RIMS4: variants seen among roughly 807,000 people sequenced by gnomAD.
The protein encoded by RIMS4 is regulating synaptic membrane exocytosis protein 4.
A neutral mutation model predicts 29.0 loss-of-function variants in RIMS4; 9 were observed. The observed-to-expected ratio is 0.31, with a 90% CI of 0.19 to 0.54. The LOEUF (loss-of-function observed/expected upper bound fraction) is 0.54. RIMS4 is among the 20% of genes least tolerant of loss of function. The pLI is 0.94. For missense variants in RIMS4, 193 were observed against 365.7 expected (o/e 0.53, Z 3.85); for synonymous variants, 130 against 152.9 (o/e 0.85, Z 1.10).
chr20:44,766,020 A>C (rs1480768576), intron 2 of RIMS4, among the ~76,000 whole-genome samples: 10 of 152,208 alleles, frequency 6.6e-5, no homozygotes, highest in Non-Finnish European at 1.5e-4. Flanking sequence ...CATTGAACTC[A>C]GTGTCTAGTG....
intron 1 of RIMS4, among the ~76,000 whole-genome samples, chr20:44,783,028 T>C (rs1361513107): frequency 6.6e-6 from 1 of 152,164 alleles, no homozygotes; most frequent in Non-Finnish European, 1.5e-5. Flanking sequence ...ACTCAGTAAA[T>C]TGCAGCTACT....
chr20:44,755,983 G>C lies in RIMS4; in HGVS notation c.*151C>G. ...GTAGGAGGCAAAGAAGGGGTGAGGA[G>C]GGGCCCAAGGGGGGGCAGGTCTCCC... is the stretch of plus-strand genomic sequence containing the variant. On this transcript the variant is annotated 3_prime_UTR_variant, in exon 6 of 6. Transcript: ENST00000372851. 1 of 647,852 alleles carries C rather than the reference G, an allele frequency of 1.5e-6. No homozygotes were observed. Among genetic ancestry groups the C allele is most frequent in the Admixed American group, 2.6e-5 (1 of 37,842 alleles). 40.1% of individuals were successfully genotyped at this position (647,852 alleles called of 1,614,324 possible).
rs1024795967 is a variant in RIMS4 at position 44,752,014 on chromosome 20, C to T, written c.*4120G>A. On this transcript the variant is annotated 3_prime_UTR_variant, in exon 6 of 6. Transcript: ENST00000372851. ...GACCCAGGCTCCTGCCTTCCCACCA[C>T]CCGTCCAGGAAGCAGTCATAAAGTG... 1.3e-5 allele frequency: 2 copies of T among 152,302 alleles called. No individual in the cohort carries two copies. The highest frequency in any genetic ancestry group is 2.1e-4 in the South Asian group (1 of 4,832). 9.4% of individuals were successfully genotyped at this position (152,302 alleles called of 1,614,324 possible).
At chr20:44,797,031 C>T (rs2066258130) in intron 1 of RIMS4, among the ~76,000 whole-genome samples, 1 of 152,218 alleles carries the variant, frequency 6.6e-6, no homozygotes, top group African/African-American at 2.4e-5. Context: ...GGGCTACCAC[C>T]CATGGCAGGC....
intron 1 of RIMS4, among the ~76,000 whole-genome samples, chr20:44,808,533 G>A (rs1389652275): frequency 6.6e-6 from 1 of 152,194 alleles, no homozygotes; most frequent in Non-Finnish European, 1.5e-5. Context: ...ACCTTGCCTT[G>A]TCCAGAATAA....
At chr20:44,782,195 T>C (rs1336710861) in intron 1 of RIMS4, among the ~76,000 whole-genome samples, 1 of 152,246 alleles carries the variant, frequency 6.6e-6, no homozygotes, top group African/African-American at 2.4e-5. Flanking sequence ...TAAGCTCTTA[T>C]TAGGTTATGC....
At chr20:44,794,281 T>C (rs927117749) in intron 1 of RIMS4, among the ~76,000 whole-genome samples, 2 of 152,154 alleles carry the variant, frequency 1.3e-5, no homozygotes, top group African/African-American at 4.8e-5. Context: ...TCTCGCTTTC[T>C]TCCCCAGCAA....
At chr20:44,779,807 C>A (rs537164352) in intron 1 of RIMS4, among the ~76,000 whole-genome samples, 1 of 151,988 alleles carries the variant, frequency 6.6e-6, no homozygotes, top group Admixed American at 6.6e-5. Flanking sequence ...ATTTGAAATG[C>A]CTTTTAGGTG....
intron 1 of RIMS4, among the ~76,000 whole-genome samples, chr20:44,801,975 C>T (rs145824672): frequency 3.9e-5 from 6 of 152,210 alleles, no homozygotes; most frequent in African/African-American, 1.2e-4. Flanking sequence ...CAGTACCATC[C>T]GAATCTGCAT....
chr20:44,770,765 T>C (rs1427628221), intron 2 of RIMS4, among the ~76,000 whole-genome samples: 7 of 152,288 alleles, frequency 4.6e-5, no homozygotes, highest in African/African-American at 1.4e-4. Flanking sequence ...AGCAGTAGTA[T>C]ACATTTTTCA....
At chr20:44,764,968 TA>T (rs770770508) in intron 2 of RIMS4, among the ~76,000 whole-genome samples, 15 of 152,326 alleles carry the variant, frequency 9.8e-5, no homozygotes, top group South Asian at 8.3e-4. Context: ...GCCAAGGATT[TA>T]TTTTTTTATT....
chr20:44,792,604 T>C (rs1044881099), intron 1 of RIMS4, among the ~76,000 whole-genome samples: 1 of 152,192 alleles, frequency 6.6e-6, no homozygotes, highest in Non-Finnish European at 1.5e-5. Context: ...AACTTACTAT[T>C]GAATGGCCCT....
intron 2 of RIMS4, among the ~76,000 whole-genome samples, chr20:44,763,539 C>A (rs538833016): frequency 6.6e-6 from 1 of 152,358 alleles, no homozygotes; most frequent in East Asian, 1.9e-4. Context: ...GGGAGTACTG[C>A]AGCAGCGGGT....
intron 1 of RIMS4, among the ~76,000 whole-genome samples, chr20:44,801,733 C>T (rs2066278162): frequency 6.6e-6 from 1 of 152,100 alleles, no homozygotes; most frequent in Admixed American, 6.5e-5. Flanking sequence ...TTTATGAGGG[C>T]CTACGTGTTA....
intron 1 of RIMS4, among the ~76,000 whole-genome samples, chr20:44,773,228 C>T (rs188411826): frequency 7.2e-5 from 11 of 152,222 alleles, no homozygotes; most frequent in African/African-American, 2.4e-4. Context: ...TTTCTGAACA[C>T]GTGGGAGAGC....
At chr20:44,761,678 A>G (rs1601019324) in intron 2 of RIMS4, among the ~76,000 whole-genome samples, 2 of 152,086 alleles carry the variant, frequency 1.3e-5, no homozygotes, top group South Asian at 4.2e-4. Flanking sequence ...CAGCTCCCAC[A>G]CTCGGGTTGC....
chr20:44,775,254 T>C (rs2066154808), intron 1 of RIMS4, among the ~76,000 whole-genome samples: 1 of 152,088 alleles, frequency 6.6e-6, no homozygotes, highest in Non-Finnish European at 1.5e-5. Context: ...CTTGACCCAC[T>C]GTAGTGAACA....
chr20:44,797,679 G>A (rs1328384905), intron 1 of RIMS4, among the ~76,000 whole-genome samples: 1 of 152,190 alleles, frequency 6.6e-6, no homozygotes, highest in African/African-American at 2.4e-5. Context: ...AACTAGGAGA[G>A]CAGGGCAAGT....
intron 2 of RIMS4, among the ~76,000 whole-genome samples, chr20:44,768,195 A>T (rs766831106): frequency 6.6e-6 from 1 of 152,220 alleles, no homozygotes; most frequent in Non-Finnish European, 1.5e-5. Context: ...CTAGTTGCTT[A>T]GTCAGTGCCC....
Sources: gnomAD v4.1 joint callset for allele counts (sites outside exome capture counted in the v4.1 genomes callset) on GRCh38, gnomAD v4.1.1 for gene constraint, MANE v1.5 for transcripts, NCBI Gene and HGNC (gene_info 2026-07-23, HGNC 2026-07-21) for gene names.